Variants in RC3H1 observed in about 807,000 individuals in gnomAD.
RC3H1 encodes ring finger and CCCH-type domains 1.
RC3H1 carries 50 observed loss-of-function variants against 138.2 expected under a neutral mutation model. That is an observed-to-expected ratio of 0.36 (90% CI 0.29 to 0.46). RC3H1 has a LOEUF of 0.46. Among genes scored for constraint, RC3H1 ranks in the 20% least tolerant of loss-of-function variants. The pLI, the probability that RC3H1 is intolerant of heterozygous loss-of-function variation, is 1.00. For missense variants in RC3H1, 1,031 were observed against 1,388.1 expected (o/e 0.74, Z 4.09); for synonymous variants, 462 against 489.1 (o/e 0.94, Z 0.73).
rs769646562 is a variant in RC3H1, at chr1:173,964,851, G to A, written c.1604C>T (p.Ser535Phe). Residue 535 changes from serine (S) to phenylalanine (F), a missense_variant, in exon 10 of 20, where the codon TCC (serine) becomes TTC (phenylalanine). By Grantham distance (155) the Ser-to-Phe change is radical (BLOSUM62 -2). Coordinates refer to ENST00000367696, the MANE Select transcript of RC3H1 (RefSeq NM_172071.4). ...IDHLSSSAPG[S>F]PPDLLESVPK... is the part of the protein sequence containing the mutation. ...AAAAATGACGTACAGGTCAGGAGGGGATCCAGGAGCACTACTGCTCAGATG... is the reference window on the plus strand; with the variant it reads ...AAAAATGACGTACAGGTCAGGAGGGAATCCAGGAGCACTACTGCTCAGATG... 1 of 1,613,908 alleles carries A rather than the reference G, an allele frequency of 6.2e-7. No homozygotes were observed. The highest frequency in any genetic ancestry group is 8.5e-7 in the Non-Finnish European group (1 of 1,179,948).
intron 1 of RC3H1, among the ~76,000 whole-genome samples, chr1:174,021,648 G>A (rs1661962648): frequency 6.6e-6 from 1 of 152,188 alleles, no homozygotes; most frequent in South Asian, 2.1e-4. Context: ...GGAGGAAGCA[G>A]CCCTGAGGTG....
rs148046769 is a variant in RC3H1, at chr1:173,947,451, A to G, written c.2655T>C (p.Thr885=). 112 of 1,614,016 alleles carry G rather than the reference A, an allele frequency of 6.9e-5. 1 individual carries two copies. In the African/African-American group the frequency reaches 1.3e-3, roughly 19 times the overall value. Residue 885 remains threonine (T), a synonymous_variant, in exon 15 of 20, where the codon ACT becomes ACC. Coordinates refer to ENST00000367696, the MANE Select transcript of RC3H1 (RefSeq NM_172071.4). The part of the protein sequence containing the change: ...TVSRFGAISR[T]SKTIYQGAGP... ...CAGCACCCTGATATATAGTTTTGGA[A>G]GTTCGTGAGATGGCACCAAACCGAG...
chr1:173,995,711 A>G (rs763414144), intron 1 of RC3H1, among the ~76,000 whole-genome samples: 1 of 152,136 alleles, frequency 6.6e-6, no homozygotes, highest in Admixed American at 6.5e-5. Context: ...ATTCTCACCA[A>G]TCACACACAG....
At chr1:173,942,723 G>A (rs1379419664) in intron 18 of RC3H1, among the ~76,000 whole-genome samples, 1 of 151,922 alleles carries the variant, frequency 6.6e-6, no homozygotes, top group African/African-American at 2.4e-5. Context: ...CCAGCTACTT[G>A]GGAGGCTGAG....
intron 13 of RC3H1, among the ~76,000 whole-genome samples, chr1:173,958,790 T>C (rs1202277349): frequency 6.6e-6 from 1 of 152,056 alleles, no homozygotes; most frequent in East Asian, 1.9e-4. Flanking sequence ...AACCAGTTTT[T>C]TTTTTGAGCA....
chr1:174,002,495 T>C (rs1661581416), intron 1 of RC3H1, among the ~76,000 whole-genome samples: 1 of 152,214 alleles, frequency 6.6e-6, no homozygotes, highest in African/African-American at 2.4e-5. Flanking sequence ...CCTTCATTAT[T>C]AGTTCTTTCC....
intron 1 of RC3H1, chr1:174,015,917 T>C (rs1317887568): frequency 1.3e-5 from 2 of 151,768 alleles, no homozygotes; most frequent in Non-Finnish European, 2.9e-5. Context: ...AGATAAAAGT[T>C]CGGCCGGGTG....
intron 7 of RC3H1, among the ~76,000 whole-genome samples, chr1:173,973,629 C>A (rs1428683645): frequency 2.0e-5 from 3 of 151,734 alleles, no homozygotes; most frequent in African/African-American, 7.3e-5. Context: ...CCAGTGCCAG[C>A]ACTATGATTT....
rs916906142 is a variant in RC3H1, at chr1:173,935,632, G to A, written c.*3089C>T. 6.6e-6 allele frequency: 1 copy of A among 151,754 alleles called. No individual in the cohort carries two copies. The highest frequency in any genetic ancestry group is 2.4e-5 in the African/African-American group (1 of 41,332). 9.4% of individuals were successfully genotyped at this position (151,754 alleles called of 1,614,324 possible). A position where few individuals can be genotyped will look rare whatever the true frequency, so the allele number is the denominator to read the frequency against. The stretch of plus-strand genomic sequence containing the variant: ...CCTTTTCAATTTTGATTTTAAAAAA[G>A]TAGTTACAGAGTCAAGCAGTTATGC... On this transcript the variant is annotated 3_prime_UTR_variant, in exon 20 of 20. Coordinates refer to ENST00000367696, the MANE Select transcript of RC3H1 (RefSeq NM_172071.4).
At chr1:173,949,712 T>C (rs1659301207) in intron 14 of RC3H1, among the ~76,000 whole-genome samples, 2 of 152,186 alleles carry the variant, frequency 1.3e-5, no homozygotes, top group Non-Finnish European at 2.9e-5. Flanking sequence ...CGTGAAGACA[T>C]ACATAAGAAT....
chr1:173,985,135 G>A (rs1660972261), intron 2 of RC3H1, among the ~76,000 whole-genome samples: 1 of 152,088 alleles, frequency 6.6e-6, no homozygotes, highest in Admixed American at 6.5e-5. Context: ...GGTTGTATCA[G>A]TACTTCATTC....
intron 19 of RC3H1, among the ~76,000 whole-genome samples, chr1:173,939,589 C>A (rs1465855416): frequency 7.0e-6 from 1 of 143,414 alleles, no homozygotes; most frequent in East Asian, 2.0e-4. Flanking sequence ...GTAATCCCAG[C>A]ACTTTGGGAG....
At position 173,983,640 on chromosome 1, in the gene RC3H1, T is replaced by C. The variant is rs1660909476; in HGVS notation, c.370A>G (p.Thr124Ala). 3.7e-6 allele frequency: 6 copies of C among 1,614,110 alleles called. No individual in the cohort carries two copies. The highest frequency in any genetic ancestry group is 4.2e-6 in the Non-Finnish European group (5 of 1,180,004). Residue 124 changes from threonine to alanine, a missense_variant, in exon 4 of 20, where the codon ACT (threonine) becomes GCT (alanine). By Grantham distance (58) the Thr-to-Ala change is moderately conservative. This residue lies in a region of RC3H1 where 80 missense variants were observed against 81.1 expected (regional missense o/e 0.99). Coordinates refer to ENST00000367696, the MANE Select transcript of RC3H1 (RefSeq NM_172071.4). ...GGGCGACTCAGAACACTCTGAGTAGTGCTGTTCAGACCCACTCCTTTAAAA... is the reference window on the plus strand; with the variant it reads ...GGGCGACTCAGAACACTCTGAGTAGCGCTGTTCAGACCCACTCCTTTAAAA... ...SSARGVGLNS[T>A]TQSVLSRPMQ... is the part of the protein sequence containing the mutation.
intron 1 of RC3H1, among the ~76,000 whole-genome samples, chr1:174,001,509 C>T (rs184668019): frequency 1.2e-4 from 19 of 152,234 alleles, no homozygotes; most frequent in Non-Finnish European, 2.6e-4. Context: ...TACAGTGGCA[C>T]GATTTTGGCT....
chr1:173,963,824 A>G, intron 11 of RC3H1, 149 bp downstream of exon 11: 1 of 651,254 alleles, frequency 1.5e-6, no homozygotes, highest in Admixed American at 2.9e-5. Flanking sequence ...TTAGTTAATC[A>G]TAAAATCTCA....
At chr1:173,946,326 C>T (rs1659134972) in intron 17 of RC3H1, 150 bp downstream of exon 17, 1 of 535,032 alleles carries the variant, frequency 1.9e-6, no homozygotes. Flanking sequence ...GAGCTAAATC[C>T]AGTATTGAAT....
rs116676418 is a variant in RC3H1 at position 174,018,481 on chromosome 1, A to C, written c.-151+3615T>G. ...ATTACTTCAGATTGGTAAATGTCAC[A>C]CTTCAAAAATAGAAGGAATCTACCT... On this transcript the variant is annotated intron_variant, in intron 1 of 19. Coordinates refer to ENST00000367696, the MANE Select transcript of RC3H1 (RefSeq NM_172071.4). Among the ~76,000 whole-genome samples, 677 of 152,306 alleles carry C rather than the reference A, an allele frequency of 4.4e-3. 6 individuals are homozygous for C. The highest frequency in any genetic ancestry group is 0.015 in the African/African-American group (637 of 41,562).
rs1490090974 is a variant in RC3H1, at chr1:173,934,054, G to A, written c.*4667C>T. ...TTTCAATGACATATAAATCGTTACA[G>A]GTGCTTTTTACAGATAGATTTTACA... On this transcript the variant is annotated 3_prime_UTR_variant, in exon 20 of 20. Coordinates refer to ENST00000367696, the MANE Select transcript of RC3H1 (RefSeq NM_172071.4). The A allele has an allele frequency of 6.6e-6, 1 of 152,016 alleles. No individual in the cohort carries two copies. Among genetic ancestry groups the A allele is most frequent in the Non-Finnish European group, 1.5e-5 (1 of 67,998 alleles). 9.4% of individuals were successfully genotyped at this position (152,016 alleles called of 1,614,324 possible).
At chr1:173,974,588 G>T (rs985553904) in intron 7 of RC3H1, among the ~76,000 whole-genome samples, 2 of 152,124 alleles carry the variant, frequency 1.3e-5, no homozygotes, top group Non-Finnish European at 2.9e-5. Flanking sequence ...AAGAATAAGT[G>T]CAAAGTCCTT....
Sources: allele counts gnomAD v4.1 joint callset (sites outside exome capture counted in the v4.1 genomes callset), GRCh38; gene constraint gnomAD v4.1.1; regional missense constraint gnomAD v4.1.1; transcripts MANE v1.5; gene names NCBI Gene and HGNC (gene_info 2026-07-23, HGNC 2026-07-21).